The following PRKCE variants were observed in gnomAD, a reference collection of about 807,000 sequenced individuals.
The protein encoded by PRKCE is protein kinase C epsilon, also known as protein kinase C epsilon type.
A neutral mutation model predicts 85.4 loss-of-function variants in PRKCE; 16 were observed. That is an observed-to-expected ratio of 0.19 (90% CI 0.13 to 0.28). The LOEUF (loss-of-function observed/expected upper bound fraction) is 0.28, where lower values mean the gene tolerates loss of function less well. PRKCE is among the 10% of genes least tolerant of loss of function. PRKCE has a pLI of 1.00. For missense variants in PRKCE, 573 were observed against 975.2 expected (o/e 0.59, Z 5.49); for synonymous variants, 388 against 371.5 (o/e 1.04, Z -0.51).
chr2:46,135,411 G>A (rs943225260), intron 11 of PRKCE, among the ~76,000 whole-genome samples: 4 of 152,198 alleles, frequency 2.6e-5, no homozygotes. Flanking sequence ...CACCACCTGT[G>A]TGTCCTGGGC....
At position 46,032,502 on chromosome 2, in the gene PRKCE, A is replaced by C. The variant is rs2104953741; in HGVS notation, c.1437+21985A>C. 1.3e-5 allele frequency among the ~76,000 whole-genome samples: 2 copies of C among 152,246 alleles called. 1 individual carries two copies. Among genetic ancestry groups the C allele is most frequent in the South Asian group, 4.1e-4 (2 of 4,820 alleles). ...CCACCTCTTTACCCCCAGCCTTCCA[A>C]AACCTTCCCGCTGGTTGTCCCCAGT... On this transcript the variant is annotated intron_variant, in intron 10 of 14. Transcript: ENST00000306156.
At chr2:45,932,210 A>G (rs1699099054) in intron 2 of PRKCE, among the ~76,000 whole-genome samples, 1 of 152,136 alleles carries the variant, frequency 6.6e-6, no homozygotes, top group Non-Finnish European at 1.5e-5. Context: ...CTGGTTTTTC[A>G]TTCAACATTA....
chr2:45,826,674 C>T (rs1689966158), intron 1 of PRKCE, among the ~76,000 whole-genome samples: 1 of 152,142 alleles, frequency 6.6e-6, no homozygotes, highest in Non-Finnish European at 1.5e-5. Flanking sequence ...ATGGCCAGTG[C>T]AAACCTGCTC....
In PRKCE at chr2:45,942,673, G is replaced by A. The variant is rs377187918; in HGVS notation, c.413-33756G>A. Reference sequence around the variant, plus strand: ...CAAATTCCTCTCTTTCCTGTGCTTTGTTGTGTAAGCACGCTTTGTTTTATG... The same window carrying A: ...CAAATTCCTCTCTTTCCTGTGCTTTATTGTGTAAGCACGCTTTGTTTTATG... On this transcript the variant is annotated intron_variant, in intron 2 of 14. Coordinates refer to ENST00000306156, the MANE Select transcript of PRKCE (RefSeq NM_005400.3). Among the ~76,000 whole-genome samples the A allele has an allele frequency of 2.6e-5, 4 of 152,162 alleles. No individual in the cohort carries two copies. In the East Asian group the frequency reaches 7.7e-4, roughly 29 times the overall value.
intron 10 of PRKCE, among the ~76,000 whole-genome samples, chr2:46,013,487 G>A (rs1705860060): frequency 6.6e-6 from 1 of 152,216 alleles, no homozygotes; most frequent in African/African-American, 2.4e-5. Flanking sequence ...GATCAAGCCA[G>A]GCTTTGAAAG....
In PRKCE at chr2:45,669,397, G is replaced by T. The variant is rs567156473; in HGVS notation, c.348+16949G>T. Among the ~76,000 whole-genome samples, 5 of 152,310 alleles carry T rather than the reference G, an allele frequency of 3.3e-5. No homozygotes were observed. In the East Asian group the frequency reaches 9.7e-4, roughly 29 times the overall value. On this transcript the variant is annotated intron_variant, in intron 1 of 14. Coordinates refer to ENST00000306156, the MANE Select transcript of PRKCE (RefSeq NM_005400.3). ...CCATCAGGAATGTGTTTTAGAACCC[G>T]GAGGGAGCACTCCTTCACAAGTCTC...
chr2:46,019,749 C>T (rs1706479523), intron 10 of PRKCE, among the ~76,000 whole-genome samples: 1 of 151,268 alleles, frequency 6.6e-6, no homozygotes, highest in African/African-American at 2.4e-5. Flanking sequence ...TTCCTGTACA[C>T]TGTTTGGCTA....
intron 10 of PRKCE, among the ~76,000 whole-genome samples, chr2:46,027,311 G>C (rs1228628905): frequency 6.6e-6 from 1 of 152,038 alleles, no homozygotes; most frequent in African/African-American, 2.4e-5. Flanking sequence ...ACTTCATCCT[G>C]GGCATCAGAG....
At chr2:45,851,300 A>G (rs1301656771) in intron 2 of PRKCE, among the ~76,000 whole-genome samples, 3 of 152,254 alleles carry the variant, frequency 2.0e-5, no homozygotes, top group African/African-American at 7.2e-5. Context: ...CATGTGATGT[A>G]TACATTGACT....
At chr2:45,735,323 T>C (rs1655810938) in intron 1 of PRKCE, among the ~76,000 whole-genome samples, 1 of 152,236 alleles carries the variant, frequency 6.6e-6, no homozygotes, top group African/African-American at 2.4e-5. Context: ...CACTTCCATA[T>C]GAACAAATAT....
chr2:45,806,015 T>C (rs1453224960), intron 1 of PRKCE, among the ~76,000 whole-genome samples: 11 of 152,230 alleles, frequency 7.2e-5, no homozygotes, highest in Non-Finnish European at 1.3e-4. Context: ...TCTGTGTCCA[T>C]GCTCTTGAGC....
At chr2:46,092,021 C>T (rs1223076531) in intron 11 of PRKCE, among the ~76,000 whole-genome samples, 1 of 152,188 alleles carries the variant, frequency 6.6e-6, no homozygotes, top group African/African-American at 2.4e-5. Context: ...CTCATAACTA[C>T]CCAGGGGTAA....
At chr2:45,744,486 T>TTTCTCTTTC (rs1491120921) in intron 1 of PRKCE, among the ~76,000 whole-genome samples, 1 of 37,110 alleles carries the variant, frequency 2.7e-5, no homozygotes, top group African/African-American at 1.0e-4. Context: ...TCTTTCTTTC[T>TTTCTCTTTC]TTTTCTTTCT....
chr2:45,915,171 G>A (rs184924725), intron 2 of PRKCE, among the ~76,000 whole-genome samples: 3 of 152,312 alleles, frequency 2.0e-5, no homozygotes, highest in Admixed American at 1.3e-4. Flanking sequence ...TTACAGGCGT[G>A]AGCCACTGTA....
intron 10 of PRKCE, among the ~76,000 whole-genome samples, chr2:46,065,939 T>C (rs1305572521): frequency 1.3e-5 from 2 of 152,232 alleles, no homozygotes; most frequent in African/African-American, 2.4e-5. Context: ...GGAACACTGC[T>C]GTTTAATTTG....
At chr2:45,782,770 T>TAC (rs967138986) in intron 1 of PRKCE, among the ~76,000 whole-genome samples, 1 of 151,300 alleles carries the variant, frequency 6.6e-6, no homozygotes, top group African/African-American at 2.4e-5. Flanking sequence ...TACACACACA[T>TAC]ACACACACAC....
intron 1 of PRKCE, among the ~76,000 whole-genome samples, chr2:45,748,110 G>C (rs1056097698): frequency 6.6e-6 from 1 of 152,146 alleles, no homozygotes; most frequent in African/African-American, 2.4e-5. Context: ...AGGTGCTTTT[G>C]GGAGGGAACA....
At chr2:45,668,293 T>C (rs1160814233) in intron 1 of PRKCE, among the ~76,000 whole-genome samples, 1 of 152,176 alleles carries the variant, frequency 6.6e-6, no homozygotes, top group East Asian at 1.9e-4. Context: ...GTGACTGAGA[T>C]GGCGCCAATG....
At chr2:45,943,189 AAAG>A (rs561973168) in intron 2 of PRKCE, among the ~76,000 whole-genome samples, 2 of 152,360 alleles carry the variant, frequency 1.3e-5, no homozygotes, top group African/African-American at 4.8e-5. Flanking sequence ...ATATTGTAGA[AAAG>A]AAATTCCTTT....
Sources: allele counts gnomAD v4.1 joint callset (sites outside exome capture counted in the v4.1 genomes callset), GRCh38; gene constraint gnomAD v4.1.1; transcripts MANE v1.5; gene names NCBI Gene and HGNC (gene_info 2026-07-23, HGNC 2026-07-21).